Variants in NBAS observed in about 807,000 individuals in gnomAD.
NBAS encodes the protein NAG/BC035112 fusion.
Under a neutral mutation model 302.5 loss-of-function variants are expected in NBAS, and 219 were observed. The observed-to-expected ratio is 0.72, with a 90% CI of 0.65 to 0.81. The LOEUF is 0.81. NBAS is among the 30% of genes least tolerant of loss of function. NBAS has a pLI of 0.00. For missense variants in NBAS, 2,932 were observed against 2,841.6 expected (o/e 1.03, Z -0.72); for synonymous variants, 1,118 against 1,021.6 (o/e 1.09, Z -1.80).
chr2:14,872,498 G>T, the NBAS span, among the ~76,000 whole-genome samples: 1 of 152,110 alleles, frequency 6.6e-6, no homozygotes, highest in Non-Finnish European at 1.5e-5. Context: ...GGAATTGGTG[G>T]GTTATTGATC....
At chr2:14,794,110 A>G in the NBAS span, among the ~76,000 whole-genome samples, 5,482 of 152,302 alleles carry the variant, frequency 0.036, 316 homozygotes, top group African/African-American at 0.12. Context: ...TATATCAGGA[A>G]GGAAGCCAGA....
chr2:14,988,020 A>T, the NBAS span, among the ~76,000 whole-genome samples: 1 of 152,062 alleles, frequency 6.6e-6, no homozygotes, highest in African/African-American at 2.4e-5. Context: ...AATCCATATG[A>T]TAAGGTGTCC....
chr2:15,435,567 G>A (rs569491209), intron 21 of NBAS, among the ~76,000 whole-genome samples: 7 of 152,264 alleles, frequency 4.6e-5, no homozygotes, highest in African/African-American at 1.7e-4. Context: ...CTTGTCCAGG[G>A]TCAAATAGCT....
chr2:15,312,937 A>T (rs1671345204), intron 38 of NBAS, among the ~76,000 whole-genome samples: 1 of 152,180 alleles, frequency 6.6e-6, no homozygotes, highest in African/African-American at 2.4e-5. Context: ...CCATTTCAAT[A>T]GCCCCCCAAT....
the NBAS span, among the ~76,000 whole-genome samples, chr2:14,782,049 A>G: frequency 1.3e-5 from 2 of 152,224 alleles, no homozygotes; most frequent in South Asian, 2.1e-4. Flanking sequence ...CCTGCCTTCC[A>G]CTAATAAAAC....
chr2:15,445,408 A>G (rs1326914323), intron 21 of NBAS, among the ~76,000 whole-genome samples: 1 of 149,856 alleles, frequency 6.7e-6, no homozygotes, highest in Non-Finnish European at 1.5e-5. Flanking sequence ...CGCAAGAACA[A>G]AAATCCAAAC....
At chr2:15,440,314 C>T (rs1678301054) in intron 21 of NBAS, among the ~76,000 whole-genome samples, 1 of 152,164 alleles carries the variant, frequency 6.6e-6, no homozygotes, top group Admixed American at 6.5e-5. Context: ...GACAAAACTT[C>T]CAGAGGAATG....
At chr2:14,996,356 G>C in the NBAS span, among the ~76,000 whole-genome samples, 192 of 152,234 alleles carry the variant, frequency 1.3e-3, no homozygotes, top group African/African-American at 4.5e-3. Context: ...TGAAGAAATG[G>C]AAGCCTAGGG....
At chr2:15,481,145 G>T (rs138175223) in intron 12 of NBAS, among the ~76,000 whole-genome samples, 1 of 152,194 alleles carries the variant, frequency 6.6e-6, no homozygotes, top group Non-Finnish European at 1.5e-5. Context: ...CCATTGTAGC[G>T]CATATCAGCA....
At chr2:14,849,325 T>C in the NBAS span, among the ~76,000 whole-genome samples, 1,927 of 151,816 alleles carry the variant, frequency 0.013, 47 homozygotes, top group African/African-American at 0.045. Flanking sequence ...GAAGAAAGGG[T>C]ATCAGCAATG....
chr2:15,183,346 G>A (rs970455371), intron 50 of NBAS, among the ~76,000 whole-genome samples: 19 of 152,138 alleles, frequency 1.2e-4, no homozygotes, highest in African/African-American at 4.6e-4. Context: ...GCAGCTTAAG[G>A]AAAACGATGG....
At chr2:15,146,918 G>T in the NBAS span, among the ~76,000 whole-genome samples, 1 of 152,132 alleles carries the variant, frequency 6.6e-6, no homozygotes, top group African/African-American at 2.4e-5. Context: ...TAAATAAAAA[G>T]CCTACATCCT....
chr2:15,439,844 A>T (rs953970514), intron 21 of NBAS, among the ~76,000 whole-genome samples: 1 of 152,238 alleles, frequency 6.6e-6, no homozygotes, highest in African/African-American at 2.4e-5. Flanking sequence ...ATGGTGCATC[A>T]GGAGATTATA....
chr2:15,234,979 T>C (rs774342016), intron 45 of NBAS, among the ~76,000 whole-genome samples: 1 of 152,190 alleles, frequency 6.6e-6, no homozygotes, highest in Non-Finnish European at 1.5e-5. Flanking sequence ...TGATCTCAAA[T>C]TTCAATATCT....
rs373381976 is a variant in NBAS, at chr2:15,473,309, A to C, written c.1638T>G (p.Ala546=). The change falls in exon 16 of 52, where the codon GCT becomes GCG. Residue 546 remains alanine, a synonymous_variant. Transcript: ENST00000281513. ...SEEYEEALSL[A]HTYGLDTDLV... ...GGTCAGTATCCAGGCCGTAGGTATG[A>C]GCCAAGGACAAGGCTTCCTCATACT... The C allele has an allele frequency of 4.3e-6, 7 of 1,614,106 alleles. No homozygotes were observed. The highest frequency in any genetic ancestry group is 5.9e-6 in the Non-Finnish European group (7 of 1,179,950).
the NBAS span, among the ~76,000 whole-genome samples, chr2:14,871,561 T>A: frequency 6.6e-6 from 1 of 151,974 alleles, no homozygotes. Context: ...AAAATTCATG[T>A]AAAAGATAAA....
At chr2:15,513,042 T>C (rs1012088026) in intron 9 of NBAS, among the ~76,000 whole-genome samples, 11 of 152,172 alleles carry the variant, frequency 7.2e-5, no homozygotes, top group Admixed American at 6.5e-4. Flanking sequence ...CATATACTCT[T>C]AGATCTAAAT....
chr2:15,088,643 C>T, the NBAS span, among the ~76,000 whole-genome samples: 10,406 of 152,252 alleles, frequency 0.068, 854 homozygotes, highest in African/African-American at 0.18. Flanking sequence ...CAGCGATTTC[C>T]TCTGTAGGCT....
chr2:15,101,422 A>G, the NBAS span, among the ~76,000 whole-genome samples: 9 of 152,092 alleles, frequency 5.9e-5, no homozygotes, highest in African/African-American at 2.2e-4. Context: ...TACATATATA[A>G]GTTATGTATA....
Sources: gnomAD v4.1 joint callset for allele counts (sites outside exome capture counted in the v4.1 genomes callset) on GRCh38, gnomAD v4.1.1 for gene constraint, MANE v1.5 for transcripts, NCBI Gene and HGNC (gene_info 2026-07-23, HGNC 2026-07-21) for gene names.